FAM135B: variants seen among roughly 807,000 people sequenced by gnomAD.
FAM135B encodes family with sequence similarity 135 member B.
FAM135B carries 43 observed loss-of-function variants against 127.7 expected under a neutral mutation model. The observed-to-expected ratio is 0.34, with a 90% CI of 0.26 to 0.43. The LOEUF is 0.43. FAM135B is among the 20% of genes least tolerant of loss of function. FAM135B has a pLI of 1.00. For synonymous variants in FAM135B, 670 were observed against 665.1 expected, an observed-to-expected ratio of 1.01 and a Z score of -0.11; for missense variants, 1,558 against 1,725.6, an observed-to-expected ratio of 0.90 and a Z score of 1.72.
Position 138,197,548 on chromosome 8 carries a change from C to G in FAM135B, c.791G>C (p.Arg264Pro), listed in dbSNP as rs1351422588. Residue 264 changes from arginine to proline, a missense_variant, in exon 8 of 20, where the codon CGG (arginine) becomes CCG (proline). By Grantham distance (103) the Arg-to-Pro change is moderately radical. Transcript: ENST00000395297. ...GLRLHFLVIM[R>P]DIPELPHTEL... ...CGTGTGTGGCAGCTCTGGGATGTCC[C>G]GCATGATCACCAGGAAGTGGAGACG... is the stretch of plus-strand genomic sequence containing the variant. 1 of 1,614,058 alleles carries G rather than the reference C, an allele frequency of 6.2e-7. No homozygotes were observed. Among genetic ancestry groups the G allele is most frequent in the African/African-American group, 1.3e-5 (1 of 75,012 alleles).
chr8:138,197,588 C>T lies in FAM135B; in HGVS notation c.751G>A (p.Ala251Thr), dbSNP rs1472477886. The change falls in exon 8 of 20, where the codon GCT becomes ACT. Residue 251 changes from alanine (A) to threonine (T), a missense_variant. Physicochemically the swap from Ala to Thr is moderately conservative, Grantham distance 58. Transcript: ENST00000395297. ...HRDLCLLLLH[A>T]YRGLRLHFLV... The stretch of plus-strand genomic sequence containing the variant: ...AAGTGGAGACGGAGACCCCGGTAAG[C>T]GTGGAGGAGCAACAGGCACAGGTCT... 2.5e-6 allele frequency: 4 copies of T among 1,613,702 alleles called. No individual in the cohort carries two copies. The highest frequency in any genetic ancestry group is 1.3e-5 in the African/African-American group (1 of 74,806).
intron 3 of FAM135B, among the ~76,000 whole-genome samples, chr8:138,293,688 A>G (rs1825280439): frequency 6.6e-6 from 1 of 152,210 alleles, no homozygotes; most frequent in Admixed American, 6.5e-5. Flanking sequence ...AATTAAAACT[A>G]CAATGAGATA....
At chr8:138,348,899 A>C (rs1364022934) in intron 2 of FAM135B, among the ~76,000 whole-genome samples, 2 of 152,230 alleles carry the variant, frequency 1.3e-5, no homozygotes, top group African/African-American at 4.8e-5. Flanking sequence ...ACACGTGCCC[A>C]GTGTCCTGGA....
chr8:138,325,239 G>A (rs1827721629), intron 2 of FAM135B, among the ~76,000 whole-genome samples: 1 of 152,164 alleles, frequency 6.6e-6, no homozygotes, highest in Non-Finnish European at 1.5e-5. Flanking sequence ...TTTAAATGGA[G>A]CCTCCGCAGA....
At chr8:138,272,372 T>C (rs1823451911) in intron 3 of FAM135B, among the ~76,000 whole-genome samples, 1 of 152,232 alleles carries the variant, frequency 6.6e-6, no homozygotes, top group Non-Finnish European at 1.5e-5. Context: ...GTGATAGTTC[T>C]AATATCCAGA....
chr8:138,327,428 C>G (rs1827870341), intron 2 of FAM135B, among the ~76,000 whole-genome samples: 1 of 152,076 alleles, frequency 6.6e-6, no homozygotes, highest in African/African-American at 2.4e-5. Flanking sequence ...TATGAAACTC[C>G]AAAGACAAAA....
intron 1 of FAM135B, among the ~76,000 whole-genome samples, chr8:138,468,693 A>T (rs1313166098): frequency 1.3e-5 from 2 of 152,166 alleles, no homozygotes; most frequent in Non-Finnish European, 2.9e-5. Flanking sequence ...TATTTTTTCC[A>T]TTACTTTCAA....
chr8:138,258,222 G>T (rs1375363961), intron 4 of FAM135B, among the ~76,000 whole-genome samples: 4 of 152,104 alleles, frequency 2.6e-5, no homozygotes, highest in East Asian at 1.9e-4. Flanking sequence ...ACCTTTTTTG[G>T]TTTTTGTTTC....
chr8:138,310,872 G>A lies in FAM135B; in HGVS notation c.126C>T (p.His42=), dbSNP rs2130893222. The A allele has an allele frequency of 6.2e-7, 1 of 1,613,982 alleles. No individual in the cohort carries two copies. The highest frequency in any genetic ancestry group is 8.5e-7 in the Non-Finnish European group (1 of 1,179,974). ...GCCCAGCGATGGAGGCACTCAGTCT[G>A]TGGGGGATCCTTGAAGACACCTTCA... ...VTLKVSSRIP[H]RLSASIAGQT... Residue 42 remains histidine (H), a synonymous_variant, in exon 3 of 20, where the codon CAC becomes CAT. Coordinates refer to ENST00000395297, the MANE Select transcript of FAM135B (RefSeq NM_015912.4).
rs552866596 is a variant in FAM135B at position 138,305,372 on chromosome 8, T to A, written c.157+5469A>T. Reference sequence around the variant, plus strand: ...CCGCTCCCAAGCATGATTCAACTGATCAGCCCCCTAAGGGAAAAAAATAAC... The same window carrying A: ...CCGCTCCCAAGCATGATTCAACTGAACAGCCCCCTAAGGGAAAAAAATAAC... On this transcript the variant is annotated intron_variant, in intron 3 of 19. Transcript: ENST00000395297. Among the ~76,000 whole-genome samples the A allele has an allele frequency of 2.0e-4, 31 of 152,226 alleles. No homozygotes were observed. In the South Asian group the frequency reaches 6.2e-3, roughly 31 times the overall value.
chr8:138,463,663 T>C (rs1837246736), intron 1 of FAM135B, among the ~76,000 whole-genome samples: 1 of 151,994 alleles, frequency 6.6e-6, no homozygotes. Context: ...AGGCGCGCAA[T>C]GAGAAAGAGG....
chr8:138,303,737 C>T (rs1826047869), intron 3 of FAM135B, among the ~76,000 whole-genome samples: 1 of 152,216 alleles, frequency 6.6e-6, no homozygotes, highest in African/African-American at 2.4e-5. Flanking sequence ...CTGGTGCGTG[C>T]ACCTGTGCAT....
At chr8:138,367,834 A>G (rs1160484840) in intron 2 of FAM135B, 73 bp downstream of exon 2, 5 of 1,156,420 alleles carry the variant, frequency 4.3e-6, no homozygotes, top group Non-Finnish European at 6.4e-6. Flanking sequence ...CCCCACCTCC[A>G]CCTTCTTCCA....
rs2130695462 is a variant in FAM135B at position 138,148,695 on chromosome 8, T to C, written c.3282-9A>G. On this transcript the variant is annotated splice_polypyrimidine_tract_variant and intron_variant, in intron 13 of 19. Coordinates refer to ENST00000395297, the MANE Select transcript of FAM135B (RefSeq NM_015912.4). ...CTTTGGCCTGATAAAAACTGGAGAA[T>C]ACACTAATTAATCACAAGCCAAGCT... is the stretch of plus-strand genomic sequence containing the variant. 3 of 1,592,128 alleles carry C rather than the reference T, an allele frequency of 1.9e-6. No individual in the cohort carries two copies. The highest frequency in any genetic ancestry group is 2.6e-6 in the Non-Finnish European group (3 of 1,165,922).
At chr8:138,230,849 A>T (rs1390832667) in intron 7 of FAM135B, among the ~76,000 whole-genome samples, 1 of 152,052 alleles carries the variant, frequency 6.6e-6, no homozygotes, top group East Asian at 1.9e-4. Flanking sequence ...TGACAATATA[A>T]TTTTGTTTAA....
chr8:138,211,259 C>G (rs1818121273), intron 7 of FAM135B, among the ~76,000 whole-genome samples: 1 of 152,058 alleles, frequency 6.6e-6, no homozygotes, highest in African/African-American at 2.4e-5. Flanking sequence ...TCATAGAAAC[C>G]AAAATAATAG....
chr8:138,245,381 G>C (rs1000355729), intron 6 of FAM135B, among the ~76,000 whole-genome samples: 8 of 152,136 alleles, frequency 5.3e-5, no homozygotes, highest in Admixed American at 3.9e-4. Flanking sequence ...GTTGTGGGAG[G>C]GATCCAGTGA....
intron 1 of FAM135B, among the ~76,000 whole-genome samples, chr8:138,381,605 G>A (rs927232889): frequency 6.6e-6 from 1 of 152,208 alleles, no homozygotes; most frequent in African/African-American, 2.4e-5. Flanking sequence ...GGACAAACAG[G>A]AGAAGGAATG....
rs150518638 is a variant in FAM135B, at chr8:138,373,756, G to A, written c.-19-5754C>T. ...TAAAATGGCCCCCTTGGGTGTGGCC[G>A]TCTTCTATGGTCGAGACTGTATGTA... On this transcript the variant is annotated intron_variant, in intron 1 of 19. Coordinates refer to ENST00000395297, the MANE Select transcript of FAM135B (RefSeq NM_015912.4). Among the ~76,000 whole-genome samples, 791 of 152,118 alleles carry A rather than the reference G, an allele frequency of 5.2e-3. 7 individuals carry two copies. The highest frequency in any genetic ancestry group is 0.018 in the African/African-American group (729 of 41,488).
Sources: allele counts gnomAD v4.1 joint callset (sites outside exome capture counted in the v4.1 genomes callset), GRCh38; gene constraint gnomAD v4.1.1; transcripts MANE v1.5; gene names NCBI Gene and HGNC (gene_info 2026-07-23, HGNC 2026-07-21).